The following ATRNL1 variants were observed in gnomAD, a reference collection of about 807,000 sequenced individuals.
ATRNL1 encodes the protein attractin-like protein 1.
ATRNL1 carries 95 observed loss-of-function variants against 182.7 expected under a neutral mutation model. The observed-to-expected ratio is 0.52, with a 90% confidence interval of 0.44 to 0.62. ATRNL1 has a LOEUF of 0.62. Among genes scored for constraint, ATRNL1 ranks in the 20% least tolerant of loss-of-function variants. The probability of loss-of-function intolerance (pLI) is 0.00; values close to 1 mark genes in which losing one functional copy is unlikely to be tolerated. For synonymous variants in ATRNL1, 576 were observed against 568.3 expected (o/e 1.01, Z -0.19); for missense variants, 1,471 against 1,679.5 (o/e 0.88, Z 2.17).
At chr10:115,171,372 C>G (rs782635787) in intron 8 of ATRNL1, 80 bp downstream of exon 8, 1 of 1,288,376 alleles carries the variant, frequency 7.8e-7, no homozygotes, top group Non-Finnish European at 1.1e-6. Flanking sequence ...TGAATTTAGT[C>G]AAAATGGTGA....
At chr10:115,461,895 GT>G in intron 21 of ATRNL1, 45 bp from the exon 22 acceptor site, 3 of 1,422,710 alleles carry the variant, frequency 2.1e-6, no homozygotes, top group Non-Finnish European at 2.9e-6. Flanking sequence ...TTTTTAGACA[GT>G]TTTTAAAGTA....
chr10:115,198,550 G>A (rs782670736), intron 8 of ATRNL1, among the ~76,000 whole-genome samples: 6 of 152,014 alleles, frequency 3.9e-5, no homozygotes, highest in Non-Finnish European at 8.8e-5. Flanking sequence ...TGTTACCTGT[G>A]CTTTTGGCAT....
At chr10:115,554,442 C>G (rs1853193171) in intron 26 of ATRNL1, among the ~76,000 whole-genome samples, 1 of 151,482 alleles carries the variant, frequency 6.6e-6, no homozygotes, top group Admixed American at 6.6e-5. Context: ...ACCTTGTAAA[C>G]CTGTTTCCAA....
chr10:115,944,343 C>G (rs1450126693), intron 28 of ATRNL1, among the ~76,000 whole-genome samples: 1 of 150,946 alleles, frequency 6.6e-6, no homozygotes, highest in African/African-American at 2.4e-5. Flanking sequence ...ACAGCAAACT[C>G]GTGTTCAGAC....
intron 19 of ATRNL1, among the ~76,000 whole-genome samples, chr10:115,385,305 A>G (rs1389153159): frequency 3.9e-5 from 6 of 152,116 alleles, no homozygotes; most frequent in African/African-American, 1.4e-4. Flanking sequence ...TTGGCTAAGG[A>G]CATTAAATAT....
chr10:115,397,954 T>C (rs1844368791), intron 20 of ATRNL1, among the ~76,000 whole-genome samples: 1 of 151,918 alleles, frequency 6.6e-6, no homozygotes. Flanking sequence ...GAACATTGGC[T>C]TACCTGGAGC....
chr10:115,535,341 G>A (rs1484122656), intron 25 of ATRNL1, among the ~76,000 whole-genome samples: 143 of 149,956 alleles, frequency 9.5e-4, no homozygotes, highest in Middle Eastern at 3.4e-3. Flanking sequence ...TTCCCTTCTC[G>A]CTTCATTTCA....
Position 115,626,227 on chromosome 10 carries a change from C to G in ATRNL1, c.3795+76691C>G, listed in dbSNP as rs1858091796. 2.0e-5 allele frequency among the ~76,000 whole-genome samples: 3 copies of G among 152,206 alleles called. No homozygotes were observed. In the South Asian group the frequency reaches 6.2e-4, roughly 32 times the overall value. The stretch of plus-strand genomic sequence containing the variant: ...ATGGCATACATAATCTGTAAGTTGT[C>G]AGATAAAGCATTTGTTTTCTTTTCC... On this transcript the variant is annotated intron_variant, in intron 26 of 28. Transcript: ENST00000355044.
chr10:115,459,515 C>T (rs529827806), intron 21 of ATRNL1, among the ~76,000 whole-genome samples: 99 of 152,188 alleles, frequency 6.5e-4, no homozygotes, highest in African/African-American at 2.2e-3. Flanking sequence ...TCTCCCATAG[C>T]GCTCCCAGGC....
chr10:115,320,847 C>T (rs761258760), intron 18 of ATRNL1, among the ~76,000 whole-genome samples: 3 of 152,000 alleles, frequency 2.0e-5, no homozygotes, highest in Non-Finnish European at 4.4e-5. Flanking sequence ...TTTTTATTAC[C>T]CACCTTCTGA....
chr10:115,369,092 A>G (rs1395562220), intron 19 of ATRNL1, among the ~76,000 whole-genome samples: 2 of 152,152 alleles, frequency 1.3e-5, no homozygotes, highest in Non-Finnish European at 2.9e-5. Context: ...TTATTTTCAC[A>G]TAAAATAATA....
intron 20 of ATRNL1, among the ~76,000 whole-genome samples, chr10:115,408,529 T>C (rs1844974358): frequency 1.3e-5 from 2 of 152,222 alleles, no homozygotes. Context: ...GTCTTTTTAC[T>C]CTGTTGATTG....
intron 8 of ATRNL1, among the ~76,000 whole-genome samples, chr10:115,187,943 G>T (rs1468696336): frequency 6.6e-6 from 1 of 151,558 alleles, no homozygotes; most frequent in African/African-American, 2.4e-5. Flanking sequence ...GTCTCCCAAA[G>T]TGCTGGGATT....
chr10:115,468,650 C>T (rs746801635), intron 23 of ATRNL1, among the ~76,000 whole-genome samples: 46 of 150,708 alleles, frequency 3.1e-4, no homozygotes, highest in Non-Finnish European at 6.6e-4. Context: ...TTATTTAAAG[C>T]AGTGATGGTT....
chr10:115,914,209 C>T (rs370929022), intron 28 of ATRNL1, among the ~76,000 whole-genome samples: 1 of 152,166 alleles, frequency 6.6e-6, no homozygotes, highest in South Asian at 2.1e-4. Flanking sequence ...GCCTCCCCAG[C>T]CATGTAGAAC....
At chr10:115,850,872 T>TGAG (rs1286202829) in intron 28 of ATRNL1, among the ~76,000 whole-genome samples, 2 of 151,996 alleles carry the variant, frequency 1.3e-5, no homozygotes, top group Admixed American at 6.6e-5. Context: ...TTGGGGGAGT[T>TGAG]GAGGAGGAGG....
At chr10:115,614,296 T>C (rs192317201) in intron 26 of ATRNL1, among the ~76,000 whole-genome samples, 314 of 152,266 alleles carry the variant, frequency 2.1e-3, no homozygotes, top group Middle Eastern at 0.014. Flanking sequence ...TTCTGGAGCA[T>C]GTTGCTTAAT....
chr10:115,414,913 T>C (rs1424299711), intron 20 of ATRNL1, among the ~76,000 whole-genome samples: 1 of 152,084 alleles, frequency 6.6e-6, no homozygotes, highest in Non-Finnish European at 1.5e-5. Flanking sequence ...TATTCCATTA[T>C]GCATATGTAC....
chr10:115,647,984 G>T (rs1859741021), intron 26 of ATRNL1, among the ~76,000 whole-genome samples: 1 of 152,104 alleles, frequency 6.6e-6, no homozygotes, highest in South Asian at 2.1e-4. Flanking sequence ...AAGCTGTAAG[G>T]AAGGGATCCA....
Sources: gnomAD v4.1 joint callset for allele counts (sites outside exome capture counted in the v4.1 genomes callset) on GRCh38, gnomAD v4.1.1 for gene constraint, MANE v1.5 for transcripts, NCBI Gene and HGNC (gene_info 2026-07-23, HGNC 2026-07-21) for gene names.